Variants in ST6GAL1 observed in about 807,000 individuals in gnomAD.
The protein encoded by ST6GAL1 is beta-galactoside alpha-2,6-sialyltransferase 1.
Under a neutral mutation model 38.0 loss-of-function variants are expected in ST6GAL1, and 20 were observed. The ratio of observed to expected loss-of-function variants is 0.53; its 90% CI spans 0.37 to 0.77. ST6GAL1 has a LOEUF of 0.77. ST6GAL1 is among the 30% of genes least tolerant of loss of function. The probability of loss-of-function intolerance (pLI) is 0.00; values close to 1 mark genes in which losing one functional copy is unlikely to be tolerated. For missense variants in ST6GAL1, 432 were observed against 496.4 expected, an observed-to-expected ratio of 0.87 and a Z score of 1.23; for synonymous variants, 196 against 188.2, an observed-to-expected ratio of 1.04 and a Z score of -0.34.
At chr3:187,052,156 ATG>A (rs1024996395) in intron 5 of ST6GAL1, among the ~76,000 whole-genome samples, 38 of 152,182 alleles carry the variant, frequency 2.5e-4, no homozygotes, top group African/African-American at 9.2e-4. Context: ...TGTCTGTGGA[ATG>A]TGTGTTTCTT....
chr3:187,077,713 A>G lies in ST6GAL1; in HGVS notation c.*1910A>G, dbSNP rs1455283699. On this transcript the variant is annotated 3_prime_UTR_variant, in exon 8 of 8. Transcript: ENST00000169298. ...CTGGCACGTAGTAGGTGCTCAGTTC[A>G]TGCTGGTTTCCTTCCTGCCTTTAGT... 1 of 152,330 alleles carries G rather than the reference A, an allele frequency of 6.6e-6. No homozygotes were observed. The highest frequency in any genetic ancestry group is 1.5e-5 in the Non-Finnish European group (1 of 68,148). 9.4% of individuals were successfully genotyped at this position (152,330 alleles called of 1,614,324 possible). A position where few individuals can be genotyped will look rare whatever the true frequency, so the allele number is the denominator to read the frequency against.
chr3:186,980,603 C>CAAAAAAAAAAAAA (rs34503745), intron 2 of ST6GAL1, among the ~76,000 whole-genome samples: 1 of 92,170 alleles, frequency 1.1e-5, no homozygotes, highest in Admixed American at 1.3e-4. Context: ...ACTAAAATTA[C>CAAAAAAAAAAAAA]AAAAAAAAAA....
intron 2 of ST6GAL1, among the ~76,000 whole-genome samples, chr3:187,003,157 G>C (rs1716674750): frequency 6.7e-6 from 1 of 148,866 alleles, no homozygotes; most frequent in East Asian, 2.0e-4. Flanking sequence ...AAGGCAGGGG[G>C]AAAAAAACCC....
intron 3 of ST6GAL1, among the ~76,000 whole-genome samples, chr3:187,040,307 TGG>T (rs1400714850): frequency 6.6e-6 from 1 of 152,176 alleles, no homozygotes; most frequent in Non-Finnish European, 1.5e-5. Context: ...GCAGCACTGA[TGG>T]TGAAGGTGGC....
intron 2 of ST6GAL1, among the ~76,000 whole-genome samples, chr3:187,003,626 G>T (rs1331529123): frequency 1.3e-5 from 2 of 152,116 alleles, no homozygotes; most frequent in African/African-American, 2.4e-5. Flanking sequence ...TCTTGGCATT[G>T]GATACTTTGC....
intron 1 of ST6GAL1, among the ~76,000 whole-genome samples, chr3:186,959,372 C>CT (rs1289754962): frequency 1.3e-5 from 2 of 152,198 alleles, no homozygotes; most frequent in African/African-American, 4.8e-5. Context: ...GGCTTAGTCA[C>CT]TTACCTGCTT....
chr3:187,031,874 G>C (rs548293117), intron 2 of ST6GAL1, among the ~76,000 whole-genome samples: 49 of 152,332 alleles, frequency 3.2e-4, no homozygotes, highest in Non-Finnish European at 6.3e-4. Flanking sequence ...TCAGGTAGCT[G>C]GTGAAAGGCA....
At chr3:187,024,401 TTA>T (rs1329045612) in intron 2 of ST6GAL1, among the ~76,000 whole-genome samples, 11 of 146,310 alleles carry the variant, frequency 7.5e-5, no homozygotes, top group South Asian at 2.2e-4. Context: ...CCTAAATGTT[TTA>T]TATATATATA....
At chr3:187,032,307 G>C (rs1229836535) in intron 2 of ST6GAL1, among the ~76,000 whole-genome samples, 1 of 152,150 alleles carries the variant, frequency 6.6e-6, no homozygotes, top group African/African-American at 2.4e-5. Flanking sequence ...CAAACAAAAA[G>C]TTTCATGTTC....
intron 7 of ST6GAL1, 72 bp downstream of exon 7, chr3:187,074,405 A>C: frequency 7.0e-7 from 1 of 1,430,530 alleles, no homozygotes; most frequent in Non-Finnish European, 9.3e-7. Context: ...CTGGGGTCTC[A>C]TTCAGTCATT....
intron 6 of ST6GAL1, chr3:187,073,942 C>G (rs78091794): frequency 2.0e-5 from 8 of 395,510 alleles, no homozygotes; most frequent in Middle Eastern, 6.3e-4. Flanking sequence ...CAACTCTCCC[C>G]CAAAGCACAG....
chr3:187,072,534 C>T (rs1011260266), intron 5 of ST6GAL1: 3 of 363,466 alleles, frequency 8.3e-6, no homozygotes, highest in African/African-American at 6.3e-5. Flanking sequence ...GACCACCACA[C>T]AAGCTGTGAC....
chr3:187,034,742 A>G (rs1176045186), intron 2 of ST6GAL1, among the ~76,000 whole-genome samples: 1 of 152,200 alleles, frequency 6.6e-6, no homozygotes, highest in Non-Finnish European at 1.5e-5. Flanking sequence ...CTAGGCATCA[A>G]AGGCACATAC....
At chr3:186,984,926 T>C (rs376650303) in intron 2 of ST6GAL1, among the ~76,000 whole-genome samples, 29 of 151,042 alleles carry the variant, frequency 1.9e-4, no homozygotes, top group African/African-American at 7.1e-4. Flanking sequence ...TCTTTCTTTC[T>C]GAGATAGGGT....
intron 4 of ST6GAL1, among the ~76,000 whole-genome samples, chr3:187,044,730 G>A (rs1718239832): frequency 6.6e-6 from 1 of 152,156 alleles, no homozygotes; most frequent in Non-Finnish European, 1.5e-5. Flanking sequence ...GTTTGAGACA[G>A]GGCCTGATAG....
chr3:186,994,944 A>AAAAC (rs1716312576), intron 2 of ST6GAL1, among the ~76,000 whole-genome samples: 1 of 141,314 alleles, frequency 7.1e-6, no homozygotes, highest in Non-Finnish European at 1.6e-5. Context: ...CTCCCTCTCA[A>AAAAC]AAACAAAAAA....
intron 4 of ST6GAL1, among the ~76,000 whole-genome samples, chr3:187,050,835 A>G (rs1718490301): frequency 6.6e-6 from 1 of 152,200 alleles, no homozygotes; most frequent in Non-Finnish European, 1.5e-5. Flanking sequence ...CACTGAACAT[A>G]TGGTAGTGTT....
At chr3:187,027,623 C>CA (rs1331737066) in intron 2 of ST6GAL1, among the ~76,000 whole-genome samples, 2 of 151,816 alleles carry the variant, frequency 1.3e-5, no homozygotes, top group Non-Finnish European at 2.9e-5. Flanking sequence ...CTTCTTTTCT[C>CA]AAAAAAAATT....
At chr3:187,002,707 G>A (rs540148597) in intron 2 of ST6GAL1, among the ~76,000 whole-genome samples, 40 of 152,288 alleles carry the variant, frequency 2.6e-4, no homozygotes, top group South Asian at 2.1e-3. Context: ...AACTCTGGGC[G>A]TATCAGCAGA....
Sources: allele counts gnomAD v4.1 joint callset (sites outside exome capture counted in the v4.1 genomes callset), GRCh38; gene constraint gnomAD v4.1.1; transcripts MANE v1.5; gene names NCBI Gene and HGNC (gene_info 2026-07-23, HGNC 2026-07-21).